EIF2B3: variants seen among roughly 807,000 people sequenced by gnomAD.
EIF2B3 encodes the protein translation initiation factor eIF2B subunit gamma.
In EIF2B3, 20 loss-of-function variants were observed where a neutral mutation model predicts 54.1. The observed-to-expected ratio is 0.37, with a 90% CI of 0.26 to 0.54. EIF2B3 has a LOEUF of 0.54. EIF2B3 is among the 20% of genes least tolerant of loss of function. The probability of loss-of-function intolerance (pLI) is 0.86; values close to 1 mark genes in which losing one functional copy is unlikely to be tolerated. For missense variants in EIF2B3, 448 were observed against 547.8 expected (o/e 0.82, Z 1.82); for synonymous variants, 153 against 188.1 (o/e 0.81, Z 1.52).
intron 2 of EIF2B3, among the ~76,000 whole-genome samples, chr1:44,978,686 G>T (rs571370052): frequency 1.5e-5 from 2 of 137,728 alleles, no homozygotes; most frequent in East Asian, 2.1e-4. Flanking sequence ...ACTCAGGCTG[G>T]AGTGCAGTGG....
intron 1 of EIF2B3, among the ~76,000 whole-genome samples, chr1:44,985,591 C>A (rs761304504): frequency 2.0e-5 from 3 of 152,178 alleles, no homozygotes; most frequent in Non-Finnish European, 4.4e-5. Context: ...GTATAAGAGT[C>A]AAACTCAAAC....
chr1:44,948,953 C>T (rs1452820543), intron 3 of EIF2B3, among the ~76,000 whole-genome samples: 4 of 152,196 alleles, frequency 2.6e-5, no homozygotes, highest in South Asian at 2.1e-4. Context: ...CTGCAACCTC[C>T]GCCCCCCGAG....
Position 44,869,475 on chromosome 1 carries a change from C to A in EIF2B3, c.1202+5203G>T, listed in dbSNP as rs147850648. 4.8e-4 allele frequency among the ~76,000 whole-genome samples: 68 copies of A among 142,104 alleles called. No individual in the cohort carries two copies. In the South Asian group the frequency reaches 0.014, roughly 29 times the overall value. The allele number at this position is 142,104 out of a possible 152,430, so 93.2% of individuals were successfully genotyped here. On this transcript the variant is annotated intron_variant, in intron 10 of 11. Transcript: ENST00000360403. ...CCTTGGTGACAGAGTGAGACTATCTCGGAAAAAAAAAAAAGCTTTATATTT... is the reference window on the plus strand; with the variant it reads ...CCTTGGTGACAGAGTGAGACTATCTAGGAAAAAAAAAAAAGCTTTATATTT...
At chr1:44,885,031 G>A (rs1347582061) in intron 6 of EIF2B3, among the ~76,000 whole-genome samples, 1 of 152,198 alleles carries the variant, frequency 6.6e-6, no homozygotes, top group Non-Finnish European at 1.5e-5. Flanking sequence ...GCTCAGAGCT[G>A]TGCCAAGAAA....
intron 10 of EIF2B3, among the ~76,000 whole-genome samples, chr1:44,867,529 T>G (rs1281288042): frequency 1.3e-5 from 2 of 151,916 alleles, no homozygotes; most frequent in African/African-American, 4.8e-5. Context: ...ATAACGAATA[T>G]GAGAAACTCC....
chr1:44,863,426 A>T (rs555987005), intron 10 of EIF2B3, among the ~76,000 whole-genome samples: 1 of 151,814 alleles, frequency 6.6e-6, no homozygotes, highest in East Asian at 1.9e-4. Context: ...GTAGAGATGG[A>T]ATTTTGCTAT....
intron 3 of EIF2B3, among the ~76,000 whole-genome samples, chr1:44,943,819 C>T (rs2148944047): frequency 6.6e-6 from 1 of 152,166 alleles, no homozygotes; most frequent in Non-Finnish European, 1.5e-5. Context: ...ATTTGTATAA[C>T]TAAAGAATCT....
intron 1 of EIF2B3, among the ~76,000 whole-genome samples, chr1:44,982,078 C>A (rs1006101835): frequency 1.3e-5 from 2 of 152,048 alleles, no homozygotes; most frequent in Non-Finnish European, 2.9e-5. Context: ...ATTCAGCCAT[C>A]GGCTCATCTT....
chr1:44,913,319 A>C (rs1047988866), intron 5 of EIF2B3, among the ~76,000 whole-genome samples: 1 of 152,056 alleles, frequency 6.6e-6, no homozygotes, highest in African/African-American at 2.4e-5. Flanking sequence ...ATCCAAAACA[A>C]AACCCTTACT....
intron 8 of EIF2B3, among the ~76,000 whole-genome samples, chr1:44,877,417 T>C (rs998025958): frequency 2.6e-5 from 4 of 152,064 alleles, no homozygotes; most frequent in Non-Finnish European, 4.4e-5. Context: ...GCCATGTCCC[T>C]TGGCTGGGAG....
chr1:44,962,790 C>T (rs1363336727), intron 3 of EIF2B3, among the ~76,000 whole-genome samples: 1 of 152,120 alleles, frequency 6.6e-6, no homozygotes, highest in Non-Finnish European at 1.5e-5. Flanking sequence ...AACTTGCTTC[C>T]GGCTGTCATT....
At chr1:44,872,146 T>C (rs72674084) in intron 10 of EIF2B3, among the ~76,000 whole-genome samples, 26,558 of 152,064 alleles carry the variant, frequency 0.17, 2,422 homozygotes, top group African/African-American at 0.18. Context: ...GGTCCTCCCA[T>C]CTCAGCCTTC....
chr1:44,857,698 G>T lies in EIF2B3; in HGVS notation c.1306+6C>A, dbSNP rs761993572. 1 of 1,613,646 alleles carries T rather than the reference G, an allele frequency of 6.2e-7. No individual in the cohort carries two copies. The highest frequency in any genetic ancestry group is 8.5e-7 in the Non-Finnish European group (1 of 1,179,568). ...AAATGGAATCTGTGATTGTAATCTG[G>T]TTTACCTTTGGCTTCAATCCTCTGG... On this transcript the variant is annotated splice_donor_region_variant and intron_variant, in intron 11 of 11. Transcript: ENST00000360403.
rs116549141 is a variant in EIF2B3 at position 44,870,081 on chromosome 1, C to T, written c.1202+4597G>A. Among the ~76,000 whole-genome samples the T allele has an allele frequency of 6.7e-3, 1,012 of 151,658 alleles. 13 individuals are homozygous for T. Among genetic ancestry groups the T allele is most frequent in the African/African-American group, 0.023 (960 of 41,334 alleles). On this transcript the variant is annotated intron_variant, in intron 10 of 11. Coordinates refer to ENST00000360403, the MANE Select transcript of EIF2B3 (RefSeq NM_020365.5). ...CAGCTACTCAGGAGGCTGAGGTGAG[C>T]GGATCACCTAAGCCCAGGGTGTTGA...
intron 3 of EIF2B3, among the ~76,000 whole-genome samples, chr1:44,955,872 G>C (rs2148951296): frequency 6.6e-6 from 1 of 152,290 alleles, no homozygotes; most frequent in South Asian, 2.1e-4. Flanking sequence ...CCAGATGCTG[G>C]AGAGGATGTG....
chr1:44,986,313 G>C (rs974005329), intron 1 of EIF2B3, among the ~76,000 whole-genome samples, 180 bp downstream of exon 1: 5 of 152,162 alleles, frequency 3.3e-5, no homozygotes, highest in African/African-American at 1.2e-4. Flanking sequence ...GCATAAGGTG[G>C]TTGGCTCGGA....
intron 3 of EIF2B3, among the ~76,000 whole-genome samples, chr1:44,965,634 C>CTTTTTTTTTTTTTTTTT (rs386366856): frequency 2.9e-5 from 3 of 102,398 alleles, no homozygotes; most frequent in African/African-American, 1.2e-4. Flanking sequence ...ACAAATGCAT[C>CTTTTTTTTTTTTTTTTT]TTTTTTTTTT....
chr1:44,972,115 A>G (rs1314154404), intron 3 of EIF2B3, among the ~76,000 whole-genome samples: 1 of 151,392 alleles, frequency 6.6e-6, no homozygotes, highest in Non-Finnish European at 1.5e-5. Context: ...TAGGCTAGGC[A>G]TGGTGGCTCA....
At chr1:44,974,314 T>G (rs541337463) in intron 3 of EIF2B3, among the ~76,000 whole-genome samples, 3 of 151,170 alleles carry the variant, frequency 2.0e-5, no homozygotes, top group Non-Finnish European at 3.0e-5. Flanking sequence ...TTTCTCTCTA[T>G]ATATAAAAAA....
Sources: gnomAD v4.1 joint callset for allele counts (sites outside exome capture counted in the v4.1 genomes callset) on GRCh38, gnomAD v4.1.1 for gene constraint, MANE v1.5 for transcripts, NCBI Gene and HGNC (gene_info 2026-07-23, HGNC 2026-07-21) for gene names.